Variants in LCOR observed in about 807,000 individuals in gnomAD.
LCOR encodes ligand-dependent corepressor.
A neutral mutation model predicts 64.4 loss-of-function variants in LCOR; 14 were observed. The observed-to-expected ratio is 0.22, with a 90% CI of 0.14 to 0.34. The LOEUF (loss-of-function observed/expected upper bound fraction) is 0.34, where lower values mean the gene tolerates loss of function less well. Among genes scored for constraint, LCOR ranks in the 10% least tolerant of loss-of-function variants. The pLI is 1.00. For missense variants in LCOR, 1,686 were observed against 1,765.3 expected (o/e 0.96, Z 0.80); for synonymous variants, 643 against 642.5 (o/e 1.00, Z -0.01).
At position 96,954,084 on chromosome 10, in the gene LCOR, T is replaced by G. The variant is rs187058856; in HGVS notation, c.332+1888T>G. 3.0e-3 allele frequency among the ~76,000 whole-genome samples: 462 copies of G among 152,360 alleles called. 2 individuals carry two copies. Among genetic ancestry groups the G allele is most frequent in the Non-Finnish European group, 5.4e-3 (369 of 68,030 alleles). ...GTTTGGTATTTCAAGAAGGGAAGTTTTTTTTAAGCCAGAGAAAACTGCTAA... is the reference window on the plus strand; with the variant it reads ...GTTTGGTATTTCAAGAAGGGAAGTTGTTTTTAAGCCAGAGAAAACTGCTAA... On this transcript the variant is annotated intron_variant, in intron 7 of 7. Coordinates refer to ENST00000421806, the MANE Select transcript of LCOR (RefSeq NM_001346516.2).
At chr10:96,843,598 TTAAAA>T (rs1424043822) in intron 2 of LCOR, among the ~76,000 whole-genome samples, 1 of 152,202 alleles carries the variant, frequency 6.6e-6, no homozygotes, top group Non-Finnish European at 1.5e-5. Flanking sequence ...GGAAAGGAAT[TTAAAA>T]TAAATCTTTT....
At position 96,986,834 on chromosome 10, in the gene LCOR, G is replaced by A. The variant is rs1300447973; in HGVS notation, c.*1700G>A. The A allele has an allele frequency of 1.3e-5, 2 of 152,176 alleles. No homozygotes were observed. Among genetic ancestry groups the A allele is most frequent in the African/African-American group, 4.8e-5 (2 of 41,444 alleles). 9.4% of individuals were successfully genotyped at this position (152,176 alleles called of 1,614,324 possible). ...AAAATTTTCCATTTAGGTTGTTTCA[G>A]ATCTCTTTAGATAAGCCCAGATGGA... On this transcript the variant is annotated 3_prime_UTR_variant, in exon 8 of 8. Transcript: ENST00000421806.
At chr10:96,974,234 C>T (rs1373404182) in intron 7 of LCOR, among the ~76,000 whole-genome samples, 3 of 152,172 alleles carry the variant, frequency 2.0e-5, no homozygotes, top group East Asian at 3.9e-4. Flanking sequence ...TCATGCACAC[C>T]GTTTCTCACC....
intron 2 of LCOR, among the ~76,000 whole-genome samples, chr10:96,842,023 A>G (rs887364237): frequency 1.3e-5 from 2 of 152,142 alleles, no homozygotes; most frequent in African/African-American, 2.4e-5. Context: ...ATTATTGTGT[A>G]TAGTTCTCTT....
rs1339209870 is a variant in LCOR at position 96,859,951 on chromosome 10, T to TATG, written c.-330+26473_-330+26475dup. ...TGTGGCCCATCCCTGAGCCAGTCAG[T>TATG]ATGGCCAGTGGAGTGTGGTTCTCTG... On this transcript the variant is annotated intron_variant, in intron 2 of 7. Transcript: ENST00000421806. Among the ~76,000 whole-genome samples the TATG allele has an allele frequency of 7.2e-5, 11 of 152,282 alleles. No individual in the cohort carries two copies. The South Asian group carries it at 2.3e-3, about 32-fold the overall frequency.
Position 96,915,609 on chromosome 10 carries a change from G to A in LCOR, c.-184+7862G>A, listed in dbSNP as rs947895164. 2.1e-5 allele frequency: 18 copies of A among 840,168 alleles called. No homozygotes were observed. The African/African-American group carries it at 2.8e-4, about 13-fold the overall frequency. 52.0% of individuals were successfully genotyped at this position (840,168 alleles called of 1,614,324 possible). ...ACTATACAGTCACCAGAAGTACACAGTTATCAAAAATGCACACACTTCACT... is the reference window on the plus strand; with the variant it reads ...ACTATACAGTCACCAGAAGTACACAATTATCAAAAATGCACACACTTCACT... On this transcript the variant is annotated intron_variant, in intron 4 of 7. Coordinates refer to ENST00000421806, the MANE Select transcript of LCOR (RefSeq NM_001346516.2).
Position 96,920,784 on chromosome 10 carries a change from ACACACACGCG to A in LCOR, c.-184+13039_-184+13048del, listed in dbSNP as rs749625621. On this transcript the variant is annotated intron_variant, in intron 4 of 7. Coordinates refer to ENST00000421806, the MANE Select transcript of LCOR (RefSeq NM_001346516.2). ...CACACACACACACACACACACACACACACACACGCGCGGTGGGGGGGTGGTGGGCGGGAGA... is the reference window on the plus strand; with the variant it reads ...CACACACACACACACACACACACACACGGTGGGGGGGTGGTGGGCGGGAGA... 4.1e-4 allele frequency among the ~76,000 whole-genome samples: 46 copies of A among 113,086 alleles called. 1 individual carries two copies. The highest frequency in any genetic ancestry group is 1.6e-3 in the African/African-American group (34 of 21,644). 74.2% of individuals were successfully genotyped at this position (113,086 alleles called of 152,430 possible). A position where few individuals can be genotyped will look rare whatever the true frequency, so the allele number is the denominator to read the frequency against.
chr10:96,911,389 G>C (rs1181616615), intron 4 of LCOR, among the ~76,000 whole-genome samples: 1 of 152,032 alleles, frequency 6.6e-6, no homozygotes, highest in African/African-American at 2.4e-5. Flanking sequence ...GAGCCACCAC[G>C]CCCTGCCACT....
At chr10:96,850,148 A>G (rs1156917630) in intron 2 of LCOR, among the ~76,000 whole-genome samples, 1 of 152,230 alleles carries the variant, frequency 6.6e-6, no homozygotes, top group Non-Finnish European at 1.5e-5. Flanking sequence ...AGTAAAAAAT[A>G]GAAAAGCACT....
intron 4 of LCOR, among the ~76,000 whole-genome samples, chr10:96,908,375 T>G (rs977910795): frequency 6.6e-6 from 1 of 152,204 alleles, no homozygotes; most frequent in Non-Finnish European, 1.5e-5. Flanking sequence ...ATGAAATGTG[T>G]GGTAATTCAA....
At chr10:96,925,507 T>C (rs1423983452) in intron 4 of LCOR, among the ~76,000 whole-genome samples, 1 of 152,240 alleles carries the variant, frequency 6.6e-6, no homozygotes, top group Non-Finnish European at 1.5e-5. Context: ...TGATAAATTA[T>C]TAAATAAGTG....
chr10:96,898,473 A>G (rs373824657), intron 2 of LCOR, among the ~76,000 whole-genome samples: 2 of 152,324 alleles, frequency 1.3e-5, no homozygotes, highest in East Asian at 3.9e-4. Flanking sequence ...GTGGAAAGCT[A>G]TCAAATGTTT....
At chr10:96,898,837 C>T (rs1222993528) in intron 2 of LCOR, among the ~76,000 whole-genome samples, 2 of 152,068 alleles carry the variant, frequency 1.3e-5, no homozygotes, top group South Asian at 4.1e-4. Context: ...AATAAGGGTG[C>T]AGTTAATGAT....
intron 6 of LCOR, among the ~76,000 whole-genome samples, chr10:96,950,482 C>T (rs1847659720): frequency 6.6e-6 from 1 of 152,032 alleles, no homozygotes; most frequent in South Asian, 2.1e-4. Context: ...CTAAATATTG[C>T]ATCAGAAGTT....
chr10:96,872,450 T>A (rs1039251449), intron 2 of LCOR, among the ~76,000 whole-genome samples: 1 of 152,128 alleles, frequency 6.6e-6, no homozygotes, highest in Non-Finnish European at 1.5e-5. Context: ...CCTGGCGCTT[T>A]GGGAGGCCGA....
rs1441897713 is a variant in LCOR, at chr10:96,984,095, C to A, written c.3635C>A (p.Pro1212His). The A allele has an allele frequency of 1.2e-6, 2 of 1,614,146 alleles. No homozygotes were observed. Among genetic ancestry groups the A allele is most frequent in the East Asian group, 2.2e-5 (1 of 44,884 alleles). Reference sequence around the variant, plus strand: ...ACTCGCCTTCCAGGAGACGTTCCCCCTGTCAAGCATCCTCTTCAGAAATAC... The same window carrying A: ...ACTCGCCTTCCAGGAGACGTTCCCCATGTCAAGCATCCTCTTCAGAAATAC... ...LNTRLPGDVP[P>H]VKHPLQKYAP... The change falls in exon 8 of 8, where the codon CCT (proline) becomes CAT (histidine). Residue 1212 changes from proline to histidine, a missense_variant. By Grantham distance (77) the Pro-to-His change is moderately conservative. This residue lies in a region of LCOR where 1,293 missense variants were observed against 1,410.4 expected (regional missense o/e 0.92). Transcript: ENST00000421806.
chr10:96,994,147 A>G lies in LCOR; in HGVS notation c.*9013A>G, dbSNP rs1268832936. 6.6e-6 allele frequency: 1 copy of G among 152,240 alleles called. No homozygotes were observed. Among genetic ancestry groups the G allele is most frequent in the Non-Finnish European group, 1.5e-5 (1 of 68,042 alleles). The allele number at this position is 152,240 out of a possible 1,614,324, so 9.4% of individuals were successfully genotyped here. A position where few individuals can be genotyped will look rare whatever the true frequency, so the allele number is the denominator to read the frequency against. ...AGGGTTTCCAGAATCTAGTTGAGGC[A>G]AAGCTCATTTGGCTATAGAGTAAAT... On this transcript the variant is annotated 3_prime_UTR_variant, in exon 8 of 8. Transcript: ENST00000421806.
At chr10:96,904,176 C>T (rs983649436) in intron 2 of LCOR, among the ~76,000 whole-genome samples, 16 of 152,102 alleles carry the variant, frequency 1.1e-4, no homozygotes, top group Non-Finnish European at 5.9e-5. Context: ...GATAGACTCT[C>T]AGTTAGTGTA....
intron 2 of LCOR, among the ~76,000 whole-genome samples, chr10:96,848,820 C>T (rs1332552590): frequency 6.6e-6 from 1 of 152,022 alleles, no homozygotes; most frequent in Non-Finnish European, 1.5e-5. Flanking sequence ...CAGGAATATT[C>T]TTTCAGGAAT....
Sources: allele counts gnomAD v4.1 joint callset (sites outside exome capture counted in the v4.1 genomes callset), GRCh38; gene constraint gnomAD v4.1.1; regional missense constraint gnomAD v4.1.1; transcripts MANE v1.5; gene names NCBI Gene and HGNC (gene_info 2026-07-23, HGNC 2026-07-21).